Variants in NAA35 observed in about 807,000 individuals in gnomAD.
The protein encoded by NAA35 is N-alpha-acetyltransferase 35, NatC auxiliary subunit, also known as MAK10 homolog, amino-acid N-acetyltransferase subunit.
A neutral mutation model predicts 101.7 loss-of-function variants in NAA35; 18 were observed. The ratio of observed to expected loss-of-function variants is 0.18; its 90% CI spans 0.12 to 0.26. The LOEUF (loss-of-function observed/expected upper bound fraction) is 0.26, where lower values mean the gene tolerates loss of function less well. NAA35 is among the 10% of genes least tolerant of loss of function. The pLI, the probability that NAA35 is intolerant of heterozygous loss-of-function variation, is 1.00. For missense variants in NAA35, 601 were observed against 886.8 expected (o/e 0.68, Z 4.09); for synonymous variants, 267 against 273.1 (o/e 0.98, Z 0.22).
Position 85,964,094 on chromosome 9 carries a change from G to C in NAA35, c.516+1914G>C, listed in dbSNP as rs551647225. On this transcript the variant is annotated intron_variant, in intron 6 of 22. Coordinates refer to ENST00000361671, the MANE Select transcript of NAA35 (RefSeq NM_024635.4). ...TCAAATACTCTATGTGTGTGTCAAT[G>C]AATATGAGCAGTCATTATTTCCCAC... 7.3e-4 allele frequency among the ~76,000 whole-genome samples: 109 copies of C among 149,366 alleles called. 1 individual carries two copies. Among genetic ancestry groups the C allele is most frequent in the African/African-American group, 2.5e-3 (103 of 40,780 alleles).
chr9:86,006,641 G>A (rs888190073), intron 13 of NAA35, among the ~76,000 whole-genome samples: 5 of 152,170 alleles, frequency 3.3e-5, no homozygotes, highest in Non-Finnish European at 5.9e-5. Context: ...GGTTTGGGGC[G>A]GGAGGAGCGT....
chr9:86,015,513 C>T (rs1832164885), intron 17 of NAA35: 1 of 153,922 alleles, frequency 6.5e-6, no homozygotes, highest in African/African-American at 2.4e-5. Flanking sequence ...TGCATTAATA[C>T]ACAAATTTTT....
intron 6 of NAA35, among the ~76,000 whole-genome samples, chr9:85,969,402 A>G (rs1433834502): frequency 6.6e-6 from 1 of 152,026 alleles, no homozygotes; most frequent in Non-Finnish European, 1.5e-5. Context: ...TGTTATATAG[A>G]TGGACCTTCT....
chr9:85,974,006 G>T (rs1830110201), intron 6 of NAA35, among the ~76,000 whole-genome samples: 1 of 151,908 alleles, frequency 6.6e-6, no homozygotes, highest in Admixed American at 6.6e-5. Context: ...GCCCAGGCTG[G>T]ATTGCAGTGG....
intron 12 of NAA35, among the ~76,000 whole-genome samples, chr9:85,999,322 A>G (rs867927917): frequency 2.6e-5 from 4 of 152,344 alleles, no homozygotes; most frequent in African/African-American, 2.4e-5. Context: ...TAATTGTTAC[A>G]TGAATATACA....
In NAA35 at chr9:86,021,967, C is replaced by G. The variant is rs1226590935; in HGVS notation, c.*7C>G. The G allele has an allele frequency of 1.2e-6, 2 of 1,612,412 alleles. No homozygotes were observed. The highest frequency in any genetic ancestry group is 1.7e-5 in the Admixed American group (1 of 59,914). On this transcript the variant is annotated 3_prime_UTR_variant, in exon 23 of 23. Transcript: ENST00000361671. Reference sequence around the variant, plus strand: ...TGTTGTGAAACTTGTTTGAGAGAGACTGGGGAGGTGGCCATAAAGGGGCAG... The same window carrying G: ...TGTTGTGAAACTTGTTTGAGAGAGAGTGGGGAGGTGGCCATAAAGGGGCAG...
intron 8 of NAA35, 107 bp downstream of exon 8, chr9:85,975,264 T>C: frequency 8.6e-7 from 1 of 1,156,484 alleles, no homozygotes; most frequent in Non-Finnish European, 1.2e-6. Context: ...GTATGTGCTT[T>C]GTATTTTTTT....
At chr9:85,983,557 AC>A (rs1830523417) in intron 11 of NAA35, among the ~76,000 whole-genome samples, 1 of 152,156 alleles carries the variant, frequency 6.6e-6, no homozygotes, top group Admixed American at 6.5e-5. Context: ...CAAACAAAGT[AC>A]CTTAAGAGAA....
rs77780809 is a variant in NAA35, at chr9:85,996,188, T to C, written c.878-211T>C. Among the ~76,000 whole-genome samples, 689 of 152,246 alleles carry C rather than the reference T, an allele frequency of 4.5e-3. 30 individuals are homozygous for C. The East Asian group carries it at 0.11, about 25-fold the overall frequency. ...CTATCACCACCATGTAGGTAGGAGG[T>C]ACAGTTTTAGGTTATTAAATCTACT... On this transcript the variant is annotated intron_variant, in intron 11 of 22. Coordinates refer to ENST00000361671, the MANE Select transcript of NAA35 (RefSeq NM_024635.4).
At chr9:85,980,016 C>T (rs971841707) in intron 11 of NAA35, among the ~76,000 whole-genome samples, 1 of 152,170 alleles carries the variant, frequency 6.6e-6, no homozygotes, top group African/African-American at 2.4e-5. Flanking sequence ...GGGATTCCCA[C>T]GACTCTCTTT....
chr9:85,986,361 A>G (rs1292786529), intron 11 of NAA35: 1 of 466,564 alleles, frequency 2.1e-6, no homozygotes, highest in Non-Finnish European at 4.4e-6. Context: ...ATTATGATCT[A>G]ACAGTGTTGT....
intron 1 of NAA35, 169 bp from the exon 2 acceptor site, chr9:85,941,986 T>A: frequency 1.6e-6 from 2 of 1,232,598 alleles, no homozygotes; most frequent in Non-Finnish European, 2.1e-6. Context: ...GACGTGCGAT[T>A]TGATTGCATT....
chr9:85,976,778 A>T, intron 9 of NAA35, 43 bp downstream of exon 9: 1 of 1,424,750 alleles, frequency 7.0e-7, no homozygotes, highest in African/African-American at 1.4e-5. Flanking sequence ...AGAGAAGTCT[A>T]CCTGTTAATG....
Position 85,979,652 on chromosome 9 carries a change from C to T in NAA35, c.877+1271C>T, listed in dbSNP as rs146884059. ...AGGAACTTCTACTTTGCTTTTTACA[C>T]ACAGTCTACTCTGAACACCAGGCAG... On this transcript the variant is annotated intron_variant, in intron 11 of 22. Coordinates refer to ENST00000361671, the MANE Select transcript of NAA35 (RefSeq NM_024635.4). 1.6e-3 allele frequency among the ~76,000 whole-genome samples: 246 copies of T among 152,314 alleles called. 1 individual carries two copies. Among genetic ancestry groups the T allele is most frequent in the African/African-American group, 3.8e-3 (156 of 41,564 alleles).
chr9:86,017,715 A>C (rs976979223), intron 19 of NAA35, 150 bp downstream of exon 19: 2 of 681,470 alleles, frequency 2.9e-6, no homozygotes, highest in African/African-American at 3.6e-5. Flanking sequence ...ATTATCATTA[A>C]TTTTTTCAAC....
At chr9:85,983,566 G>A (rs572409684) in intron 11 of NAA35, among the ~76,000 whole-genome samples, 9 of 151,952 alleles carry the variant, frequency 5.9e-5, no homozygotes, top group African/African-American at 2.2e-4. Context: ...TACCTTAAGA[G>A]AAATGAGAAA....
Position 86,009,944 on chromosome 9 carries a change from A to G in NAA35, c.1290+13A>G, listed in dbSNP as rs765915435. The G allele has an allele frequency of 2.6e-5, 41 of 1,606,150 alleles. No homozygotes were observed. The East Asian group carries it at 4.5e-4, about 17-fold the overall frequency. On this transcript the variant is annotated intron_variant, in intron 15 of 22. Coordinates refer to ENST00000361671, the MANE Select transcript of NAA35 (RefSeq NM_024635.4). ...TCACTGTGTTCGGGTAAGAGCTACAATTTGGATTGTCATAATGGGTACTTT... is the reference window on the plus strand; with the variant it reads ...TCACTGTGTTCGGGTAAGAGCTACAGTTTGGATTGTCATAATGGGTACTTT...
chr9:85,942,038 T>A, intron 1 of NAA35, 117 bp from the exon 2 acceptor site: 1 of 1,443,664 alleles, frequency 6.9e-7, no homozygotes. Flanking sequence ...TCAGAAGAGT[T>A]CTGCTTTAAA....
chr9:86,011,753 AT>A (rs1476000401), intron 15 of NAA35, among the ~76,000 whole-genome samples: 9 of 147,550 alleles, frequency 6.1e-5, no homozygotes, highest in African/African-American at 2.2e-4. Context: ...TATATATTTC[AT>A]ATATATATCT....
Sources: gnomAD v4.1 joint callset for allele counts (sites outside exome capture counted in the v4.1 genomes callset) on GRCh38, gnomAD v4.1.1 for gene constraint, MANE v1.5 for transcripts, NCBI Gene and HGNC (gene_info 2026-07-23, HGNC 2026-07-21) for gene names.